The following WWOX variants were observed in gnomAD, a reference collection of about 807,000 sequenced individuals.
WWOX encodes the protein WW domain containing oxidoreductase, also known as WW domain-containing oxidoreductase.
Under a neutral mutation model 46.2 loss-of-function variants are expected in WWOX, and 69 were observed. The ratio of observed to expected loss-of-function variants is 1.49; its 90% CI spans 1.23 to 1.82. The LOEUF is 1.82. Among genes scored for constraint, WWOX ranks in the 40% most tolerant of loss-of-function variants. The pLI is 0.00. For missense variants in WWOX, 919 were observed against 542.6 expected, an observed-to-expected ratio of 1.69 and a Z score of -6.89; for synonymous variants, 359 against 202.6, an observed-to-expected ratio of 1.77 and a Z score of -6.56.
At chr16:78,400,912 C>T (rs1203811142) in intron 6 of WWOX, among the ~76,000 whole-genome samples, 3 of 152,362 alleles carry the variant, frequency 2.0e-5, no homozygotes, top group African/African-American at 7.2e-5. Context: ...TGGCCTCAGC[C>T]ACCAGGGTTC....
intron 6 of WWOX, among the ~76,000 whole-genome samples, chr16:78,389,033 G>A (rs1324168524): frequency 6.6e-6 from 1 of 151,960 alleles, no homozygotes; most frequent in Non-Finnish European, 1.5e-5. Flanking sequence ...AAGTCACTGA[G>A]GTCTACATTA....
Position 78,306,833 on chromosome 16 carries a change from AC to A in WWOX, c.517-80026del, listed in dbSNP as rs1230981850. ...CTTCCCACAATTCCCTGTAAATCTC[AC>A]TCCTTCCCACAATCCCCACTGAGCC... On this transcript the variant is annotated intron_variant, in intron 5 of 8. Transcript: ENST00000566780. 2.1e-5 allele frequency among the ~76,000 whole-genome samples: 3 copies of A among 144,978 alleles called. No homozygotes were observed. In the East Asian group the frequency reaches 6.1e-4, roughly 30 times the overall value.
At chr16:78,864,358 C>T (rs925692714) in intron 8 of WWOX, among the ~76,000 whole-genome samples, 2 of 151,902 alleles carry the variant, frequency 1.3e-5, no homozygotes, top group East Asian at 1.9e-4. Context: ...CCTCGATCTC[C>T]TGGGGCTCAA....
chr16:78,793,877 A>T (rs941198022), intron 8 of WWOX, among the ~76,000 whole-genome samples: 8 of 151,658 alleles, frequency 5.3e-5, no homozygotes, highest in Admixed American at 2.0e-4. Context: ...GGAGTTCAAG[A>T]CCTCCTCATC....
chr16:79,141,244 T>A (rs1270660429), intron 8 of WWOX, among the ~76,000 whole-genome samples: 1 of 152,182 alleles, frequency 6.6e-6, no homozygotes, highest in African/African-American at 2.4e-5. Flanking sequence ...ATTTCAAGTC[T>A]TCCTACCTTT....
chr16:78,869,011 C>T (rs1021627780), intron 8 of WWOX, among the ~76,000 whole-genome samples: 5 of 151,926 alleles, frequency 3.3e-5, no homozygotes, highest in Non-Finnish European at 7.4e-5. Flanking sequence ...GTCACAAAGG[C>T]CAAAGTTTTA....
intron 5 of WWOX, among the ~76,000 whole-genome samples, chr16:78,286,287 C>T (rs2079765233): frequency 6.6e-6 from 1 of 152,194 alleles, no homozygotes; most frequent in African/African-American, 2.4e-5. Context: ...GCTGCTGTAC[C>T]ATATGGTTGC....
intron 4 of WWOX, among the ~76,000 whole-genome samples, chr16:78,162,417 CA>C (rs1310570501): frequency 1.3e-5 from 2 of 152,006 alleles, no homozygotes; most frequent in Non-Finnish European, 2.9e-5. Flanking sequence ...CACACATACA[CA>C]CATACAGATA....
intron 5 of WWOX, among the ~76,000 whole-genome samples, chr16:78,246,181 A>G (rs1330903115): frequency 6.6e-6 from 1 of 152,136 alleles, no homozygotes. Flanking sequence ...GAAACATTGC[A>G]TTTGTACAGG....
At chr16:78,879,647 G>T (rs1164245192) in intron 8 of WWOX, among the ~76,000 whole-genome samples, 3 of 152,170 alleles carry the variant, frequency 2.0e-5, no homozygotes, top group Non-Finnish European at 4.4e-5. Flanking sequence ...GGAGGCCGAG[G>T]CAGGCGGATC....
chr16:78,300,475 C>T (rs891312747), intron 5 of WWOX, among the ~76,000 whole-genome samples: 12 of 151,970 alleles, frequency 7.9e-5, no homozygotes, highest in Non-Finnish European at 1.5e-4. Flanking sequence ...TTCCTCCTGC[C>T]ATGCCTGTCC....
chr16:78,558,200 A>C (rs545727553), intron 8 of WWOX, among the ~76,000 whole-genome samples: 5 of 152,164 alleles, frequency 3.3e-5, no homozygotes, highest in Admixed American at 2.0e-4. Flanking sequence ...CTTTATTTTC[A>C]GTGTTTTTGC....
At chr16:78,200,774 T>C (rs1304194689) in intron 5 of WWOX, among the ~76,000 whole-genome samples, 2 of 152,094 alleles carry the variant, frequency 1.3e-5, no homozygotes, top group East Asian at 3.9e-4. Context: ...CGGTTATATG[T>C]GCTGGACCCT....
intron 8 of WWOX, among the ~76,000 whole-genome samples, chr16:78,610,642 C>T (rs971466389): frequency 2.0e-5 from 3 of 152,020 alleles, no homozygotes; most frequent in African/African-American, 7.2e-5. Context: ...GCCCCTTCTC[C>T]TAAAGTGAAC....
intron 8 of WWOX, among the ~76,000 whole-genome samples, chr16:79,150,046 T>G (rs992572487): frequency 6.6e-6 from 1 of 152,236 alleles, no homozygotes; most frequent in African/African-American, 2.4e-5. Flanking sequence ...GTCAAATACG[T>G]TCTTCTCTGA....
intron 5 of WWOX, among the ~76,000 whole-genome samples, chr16:78,357,521 A>C (rs927785394): frequency 6.6e-6 from 1 of 152,156 alleles, no homozygotes; most frequent in African/African-American, 2.4e-5. Context: ...ATGTTATCAT[A>C]ACCTTGATTT....
At chr16:78,101,763 C>T (rs1222859285) in intron 1 of WWOX, among the ~76,000 whole-genome samples, 1 of 152,200 alleles carries the variant, frequency 6.6e-6, no homozygotes, top group Non-Finnish European at 1.5e-5. Context: ...CAACCAAGTT[C>T]TGATGAGTTC....
At chr16:78,520,492 CT>C (rs2043324720) in intron 8 of WWOX, among the ~76,000 whole-genome samples, 1 of 152,046 alleles carries the variant, frequency 6.6e-6, no homozygotes, top group Non-Finnish European at 1.5e-5. Flanking sequence ...AACTAGCCTG[CT>C]TTTACTAATG....
At chr16:78,311,285 C>T (rs963336914) in intron 5 of WWOX, among the ~76,000 whole-genome samples, 1 of 152,116 alleles carries the variant, frequency 6.6e-6, no homozygotes, top group African/African-American at 2.4e-5. Flanking sequence ...AATCCAAGGC[C>T]TGATGTATAT....
Sources: gnomAD v4.1 joint callset for allele counts (sites outside exome capture counted in the v4.1 genomes callset) on GRCh38, gnomAD v4.1.1 for gene constraint, MANE v1.5 for transcripts, NCBI Gene and HGNC (gene_info 2026-07-23, HGNC 2026-07-21) for gene names.